The following EXOC1 variants were observed in gnomAD, a reference collection of about 807,000 sequenced individuals.
EXOC1 encodes the protein SEC3-like 1.
EXOC1 carries 67 observed loss-of-function variants against 107.7 expected under a neutral mutation model. The observed-to-expected ratio is 0.62, with a 90% CI of 0.51 to 0.76. The LOEUF (loss-of-function observed/expected upper bound fraction) is 0.76, where lower values mean the gene tolerates loss of function less well. Among genes scored for constraint, EXOC1 ranks in the 30% least tolerant of loss-of-function variants. The pLI is 0.00. For missense variants in EXOC1, 833 were observed against 1,055.7 expected, an observed-to-expected ratio of 0.79 and a Z score of 2.92; for synonymous variants, 348 against 353.5, an observed-to-expected ratio of 0.98 and a Z score of 0.17.
chr4:55,881,987 G>T (rs1390553027), intron 9 of EXOC1, among the ~76,000 whole-genome samples: 1 of 152,046 alleles, frequency 6.6e-6, no homozygotes, highest in Non-Finnish European at 1.5e-5. Context: ...GATTTAATCA[G>T]CCAGAGAAGC....
At chr4:55,859,738 T>C (rs1721304534) in intron 2 of EXOC1, among the ~76,000 whole-genome samples, 1 of 152,220 alleles carries the variant, frequency 6.6e-6, no homozygotes, top group African/African-American at 2.4e-5. Context: ...TCTTACACTT[T>C]TTTAAAAAAT....
chr4:55,881,415 C>T (rs568912469), intron 9 of EXOC1, among the ~76,000 whole-genome samples: 20 of 152,238 alleles, frequency 1.3e-4, no homozygotes, highest in African/African-American at 4.8e-4. Context: ...CCCCAAATGT[C>T]TGAGACAAGA....
At chr4:55,899,549 C>T (rs1725650710) in intron 16 of EXOC1, 136 bp from the exon 17 acceptor site, 2 of 709,536 alleles carry the variant, frequency 2.8e-6, no homozygotes, top group Non-Finnish European at 2.2e-6. Flanking sequence ...ACTCCCATTA[C>T]AATATATTGT....
At chr4:55,868,612 G>A (rs1722160630) in intron 5 of EXOC1, 89 bp downstream of exon 5, 1 of 1,178,848 alleles carries the variant, frequency 8.5e-7, no homozygotes, top group Admixed American at 2.4e-5. Flanking sequence ...CAGCACTTAA[G>A]CCTTTATAGT....
In EXOC1 at chr4:55,883,806, G is replaced by A; in HGVS notation, c.1225-17G>A. 6.8e-7 allele frequency: 1 copy of A among 1,473,830 alleles called. No individual in the cohort carries two copies. Among genetic ancestry groups the A allele is most frequent in the Non-Finnish European group, 9.3e-7 (1 of 1,080,504 alleles). The allele number at this position is 1,473,830 out of a possible 1,614,324, so 91.3% of individuals were successfully genotyped here. A position where few individuals can be genotyped will look rare whatever the true frequency, so the allele number is the denominator to read the frequency against. On this transcript the variant is annotated splice_polypyrimidine_tract_variant and intron_variant, in intron 9 of 18. Transcript: ENST00000381295. ...TGTGTTTTATTAATAAGAAGTACAT[G>A]TTACTTTTATTTTAAGAATTACATG...
chr4:55,897,003 A>C (rs2109489385), intron 16 of EXOC1, 103 bp downstream of exon 16: 1 of 968,392 alleles, frequency 1.0e-6, no homozygotes, highest in Non-Finnish European at 1.5e-6. Flanking sequence ...TATATCTTAT[A>C]ATCTTTTTTA....
At chr4:55,863,012 C>T (rs1473932584) in intron 3 of EXOC1, among the ~76,000 whole-genome samples, 1 of 152,034 alleles carries the variant, frequency 6.6e-6, no homozygotes, top group African/African-American at 2.4e-5. Flanking sequence ...GCCATCCTCC[C>T]ACCTTAGCCT....
Position 55,904,394 on chromosome 4 carries a change from G to A in EXOC1, c.2584G>A (p.Glu862Lys), listed in dbSNP as rs1726385811. The change falls in exon 19 of 19, where the codon GAA becomes AAA. Residue 862 changes from glutamate (E) to lysine (K), a missense_variant. Physicochemically the swap from Glu to Lys is moderately conservative, Grantham distance 56. This residue lies in a region of EXOC1 where 216 missense variants were observed against 354.4 expected (regional missense o/e 0.61). Transcript: ENST00000381295. ...ATTTATACGCCAGTATAAGCACTTTGAAGGTTTGATAGCTCGCTGTTATCC... is the reference window on the plus strand; with the variant it reads ...ATTTATACGCCAGTATAAGCACTTTAAAGGTTTGATAGCTCGCTGTTATCC... ...DEFIRQYKHF[E>K]GLIARCYPGS... 1 of 1,612,114 alleles carries A rather than the reference G, an allele frequency of 6.2e-7. No homozygotes were observed.
intron 18 of EXOC1, among the ~76,000 whole-genome samples, chr4:55,903,534 G>T (rs1726252720): frequency 6.6e-6 from 1 of 152,150 alleles, no homozygotes. Context: ...AAGTTGGCAG[G>T]AATTTAGGAT....
intron 1 of EXOC1, 73 bp from the exon 2 acceptor site, chr4:55,858,241 A>G (rs1370949978): frequency 2.9e-6 from 4 of 1,395,246 alleles, no homozygotes; most frequent in Non-Finnish European, 3.8e-6. Context: ...ATTATTTTCA[A>G]ATCATAAATT....
chr4:55,893,897 C>T, intron 15 of EXOC1, 117 bp downstream of exon 15: 1 of 827,164 alleles, frequency 1.2e-6, no homozygotes, highest in African/African-American at 1.7e-5. Context: ...TGTTTATGTC[C>T]CTCGAAGCAG....
intron 5 of EXOC1, 145 bp downstream of exon 5, chr4:55,868,668 A>C: frequency 1.8e-6 from 1 of 569,660 alleles, no homozygotes; most frequent in Non-Finnish European, 2.8e-6. Flanking sequence ...AGCTGCCATC[A>C]GTCTTTTACT....
chr4:55,874,581 G>A (rs1560341039), intron 8 of EXOC1, among the ~76,000 whole-genome samples: 1 of 152,110 alleles, frequency 6.6e-6, no homozygotes, highest in Non-Finnish European at 1.5e-5. Context: ...CATGCTATCT[G>A]TAATGCAACT....
chr4:55,882,780 A>G (rs1411230530), intron 9 of EXOC1: 1 of 152,212 alleles, frequency 6.6e-6, no homozygotes, highest in African/African-American at 2.4e-5. Flanking sequence ...TCTTTAAAGC[A>G]GGTAAACATG....
chr4:55,866,798 C>T (rs1284042158), intron 4 of EXOC1: 1 of 896,632 alleles, frequency 1.1e-6, no homozygotes, highest in African/African-American at 1.8e-5. Context: ...AAAATTTAAG[C>T]CTGTTTACTT....
In EXOC1 at chr4:55,903,928, C is replaced by T. The variant is rs544480595; in HGVS notation, c.2533-415C>T. On this transcript the variant is annotated intron_variant, in intron 18 of 18. Coordinates refer to ENST00000381295, the MANE Select transcript of EXOC1 (RefSeq NM_001024924.2). ...AATGTTATAGGAAATGAAATTAAAG[C>T]ATTACATTTTATGTAATCACTAGTC... 6.6e-5 allele frequency among the ~76,000 whole-genome samples: 10 copies of T among 152,162 alleles called. No homozygotes were observed. In the South Asian group the frequency reaches 1.9e-3, roughly 28 times the overall value.
chr4:55,881,933 C>T (rs747535439), intron 9 of EXOC1, among the ~76,000 whole-genome samples: 1 of 151,866 alleles, frequency 6.6e-6, no homozygotes, highest in Non-Finnish European at 1.5e-5. Context: ...GCTTGCTACT[C>T]GAAAGCCAAA....
intron 15 of EXOC1, among the ~76,000 whole-genome samples, chr4:55,894,682 G>A (rs1210483525): frequency 2.4e-5 from 3 of 127,380 alleles, no homozygotes; most frequent in Non-Finnish European, 4.7e-5. Context: ...GAGTGCAACA[G>A]TGCAATCTCG....
intron 9 of EXOC1, chr4:55,882,908 T>C (rs1365320012): frequency 6.6e-6 from 1 of 152,180 alleles, no homozygotes; most frequent in Non-Finnish European, 1.5e-5. Flanking sequence ...TTTTCTGGTT[T>C]ATTTAAATTT....
Sources: gnomAD v4.1 joint callset for allele counts (sites outside exome capture counted in the v4.1 genomes callset) on GRCh38, gnomAD v4.1.1 for gene constraint, gnomAD v4.1.1 regional missense constraint, MANE v1.5 for transcripts, NCBI Gene and HGNC (gene_info 2026-07-23, HGNC 2026-07-21) for gene names.